CYYR1: variants seen among roughly 807,000 people sequenced by gnomAD.
The protein encoded by CYYR1 is cysteine and tyrosine-rich protein 1.
Under a neutral mutation model 15.2 loss-of-function variants are expected in CYYR1, and 14 were observed. That is an observed-to-expected ratio of 0.92 (90% CI 0.61 to 1.44). CYYR1 has a LOEUF of 1.44. CYYR1 is among the 40% of genes most tolerant of loss of function. The pLI is 0.00. For synonymous variants in CYYR1, 80 were observed against 77.4 expected, an observed-to-expected ratio of 1.03 and a Z score of -0.18; for missense variants, 228 against 209.5, an observed-to-expected ratio of 1.09 and a Z score of -0.54.
intron 2 of CYYR1, among the ~76,000 whole-genome samples, chr21:26,534,977 T>C (rs2065976958): frequency 6.6e-6 from 1 of 152,216 alleles, no homozygotes. Flanking sequence ...ATGATACAAA[T>C]GTATTCTATC....
At chr21:26,531,477 T>A (rs553613766) in intron 2 of CYYR1, among the ~76,000 whole-genome samples, 2 of 152,160 alleles carry the variant, frequency 1.3e-5, no homozygotes, top group Admixed American at 1.3e-4. Flanking sequence ...CTCCTTGCTG[T>A]TATCATGATA....
intron 2 of CYYR1, chr21:26,518,470 T>C (rs2065762434): frequency 6.6e-6 from 1 of 152,328 alleles, no homozygotes; most frequent in African/African-American, 2.4e-5. Context: ...TCTCTCTGTC[T>C]CCTGTGCTCA....
chr21:26,497,949 A>C (rs1601754323), intron 2 of CYYR1, among the ~76,000 whole-genome samples: 1 of 152,216 alleles, frequency 6.6e-6, no homozygotes, highest in African/African-American at 2.4e-5. Context: ...TGTATGTCTT[A>C]TTCAGGTGAC....
At chr21:26,492,528 C>T (rs2065342403) in intron 2 of CYYR1, among the ~76,000 whole-genome samples, 1 of 152,092 alleles carries the variant, frequency 6.6e-6, no homozygotes, top group African/African-American at 2.4e-5. Flanking sequence ...CAAGTTTGCA[C>T]CTACAGATGT....
chr21:26,479,996 G>A (rs1601730207), intron 3 of CYYR1, among the ~76,000 whole-genome samples: 1 of 152,220 alleles, frequency 6.6e-6, no homozygotes, highest in East Asian at 1.9e-4. Flanking sequence ...CACAGTGGGT[G>A]TGAATTGCTT....
At chr21:26,514,820 G>T (rs908273521) in intron 2 of CYYR1, among the ~76,000 whole-genome samples, 2 of 152,196 alleles carry the variant, frequency 1.3e-5, no homozygotes, top group African/African-American at 4.8e-5. Context: ...TAACAGATGA[G>T]AAAATTGAGG....
intron 1 of CYYR1, 79 bp downstream of exon 1, chr21:26,572,789 C>T (rs1981088951): frequency 6.4e-7 from 1 of 1,556,304 alleles, no homozygotes. Context: ...GTCCGTCCAG[C>T]TCAACCCACG....
intron 2 of CYYR1, among the ~76,000 whole-genome samples, chr21:26,533,303 G>A (rs1388320851): frequency 1.3e-5 from 2 of 151,120 alleles, no homozygotes; most frequent in Non-Finnish European, 2.9e-5. Context: ...GGAATTATGA[G>A]GACTGATAAT....
chr21:26,485,098 T>C (rs2065232643), intron 2 of CYYR1, among the ~76,000 whole-genome samples: 1 of 152,092 alleles, frequency 6.6e-6, no homozygotes, highest in South Asian at 2.1e-4. Context: ...ATTTGAAAAA[T>C]CTGGCATCAT....
chr21:26,473,414 C>T lies in CYYR1; in HGVS notation c.335-4780G>A, dbSNP rs564905581. 3.4e-4 allele frequency among the ~76,000 whole-genome samples: 52 copies of T among 152,280 alleles called. 1 individual carries two copies. Among genetic ancestry groups the T allele is most frequent in the Non-Finnish European group, 5.4e-4 (37 of 68,026 alleles). On this transcript the variant is annotated intron_variant, in intron 3 of 3. Transcript: ENST00000652641. ...CTAACATGCAAAGATATAGTATAAC[C>T]TATTGTTCCCCTTCCACTCAGATAG...
chr21:26,517,114 C>CAAAAAAAAAAAAA (rs61352955), intron 2 of CYYR1, among the ~76,000 whole-genome samples: 4 of 46,706 alleles, frequency 8.6e-5, no homozygotes, highest in African/African-American at 3.5e-4. Context: ...GACTCCGTCT[C>CAAAAAAAAAAAAA]AAAAAAAAAA....
At chr21:26,541,256 C>A (rs17537285) in intron 2 of CYYR1, among the ~76,000 whole-genome samples, 6,113 of 152,086 alleles carry the variant, frequency 0.04, 142 homozygotes, top group Middle Eastern at 0.044. Flanking sequence ...TTTACAGACT[C>A]AAAAACCTCA....
chr21:26,527,246 A>G (rs2123587887), intron 2 of CYYR1, among the ~76,000 whole-genome samples: 1 of 152,340 alleles, frequency 6.6e-6, no homozygotes, highest in African/African-American at 2.4e-5. Flanking sequence ...CCAACATATT[A>G]CCAAAATAAG....
At chr21:26,500,378 G>T (rs551494628) in intron 2 of CYYR1, among the ~76,000 whole-genome samples, 1 of 152,262 alleles carries the variant, frequency 6.6e-6, no homozygotes, top group Admixed American at 6.5e-5. Context: ...GCTCTTCTAG[G>T]TCCTGAGAGT....
chr21:26,531,081 G>A, intron 2 of CYYR1, among the ~76,000 whole-genome samples: 1 of 152,256 alleles, frequency 6.6e-6, no homozygotes, highest in Admixed American at 6.5e-5. Flanking sequence ...GTGTAAACTT[G>A]CTGTAATAGT....
intron 2 of CYYR1, among the ~76,000 whole-genome samples, chr21:26,504,358 C>A (rs1356609839): frequency 6.6e-6 from 1 of 152,040 alleles, no homozygotes; most frequent in Non-Finnish European, 1.5e-5. Flanking sequence ...GCAACCTCTG[C>A]CTCCCGGGTT....
chr21:26,552,187 C>A (rs1979441527), intron 2 of CYYR1: 2 of 152,122 alleles, frequency 1.3e-5, no homozygotes, highest in Non-Finnish European at 2.9e-5. Context: ...ACAGTATAAA[C>A]AACTTTATAT....
At chr21:26,549,311 G>C (rs978423560) in intron 2 of CYYR1, among the ~76,000 whole-genome samples, 4 of 152,062 alleles carry the variant, frequency 2.6e-5, no homozygotes, top group Non-Finnish European at 4.4e-5. Context: ...AAAAGAGCCA[G>C]GATCATTCTT....
At chr21:26,529,323 AT>A (rs546228094) in intron 2 of CYYR1, among the ~76,000 whole-genome samples, 117 of 152,312 alleles carry the variant, frequency 7.7e-4, no homozygotes, top group African/African-American at 2.6e-3. Context: ...TTATGAAATA[AT>A]TGCATTTCTG....
Sources: gnomAD v4.1 joint callset for allele counts (sites outside exome capture counted in the v4.1 genomes callset) on GRCh38, gnomAD v4.1.1 for gene constraint, MANE v1.5 for transcripts, NCBI Gene and HGNC (gene_info 2026-07-23, HGNC 2026-07-21) for gene names.